The following NLGN1 variants were observed in gnomAD, a reference collection of about 807,000 sequenced individuals.
NLGN1 encodes the protein neuroligin-1.
In NLGN1, 12 loss-of-function variants were observed where a neutral mutation model predicts 65.5. That is an observed-to-expected ratio of 0.18 (90% confidence interval 0.12 to 0.30). NLGN1 has a LOEUF of 0.30. NLGN1 is among the 10% of genes least tolerant of loss of function. NLGN1 has a pLI of 1.00. For synonymous variants in NLGN1, 350 were observed against 359.5 expected (o/e 0.97, Z 0.30); for missense variants, 750 against 1,007.1 (o/e 0.74, Z 3.46).
chr3:173,778,691 C>A (rs541149687), intron 3 of NLGN1, among the ~76,000 whole-genome samples: 1 of 151,790 alleles, frequency 6.6e-6, no homozygotes, highest in African/African-American at 2.4e-5. Flanking sequence ...TCAGTCTTTT[C>A]TTTCTTAACA....
rs80291571 is a variant in NLGN1, at chr3:173,998,302, G to A, written c.646+190470G>A. Reference sequence around the variant, plus strand: ...TGGGAATCAGAACATCCTACTTCAAGGGAAGCTTTTCCATTCACATGGAAT... The same window carrying A: ...TGGGAATCAGAACATCCTACTTCAAAGGAAGCTTTTCCATTCACATGGAAT... On this transcript the variant is annotated intron_variant, in intron 4 of 6. Transcript: ENST00000457714. Among the ~76,000 whole-genome samples, 132 of 152,234 alleles carry A rather than the reference G, an allele frequency of 8.7e-4. 1 individual carries two copies. In the East Asian group the frequency reaches 0.023, roughly 27 times the overall value.
intron 4 of NLGN1, among the ~76,000 whole-genome samples, chr3:173,947,447 T>C (rs1427189315): frequency 1.3e-5 from 2 of 152,228 alleles, no homozygotes; most frequent in Non-Finnish European, 2.9e-5. Context: ...ATTTTAACTC[T>C]TTTACTGTAT....
chr3:173,624,357 T>TC (rs1418548213), intron 3 of NLGN1, among the ~76,000 whole-genome samples: 2 of 152,162 alleles, frequency 1.3e-5, no homozygotes. Context: ...TTTCAAGACT[T>TC]CACTTCATGC....
chr3:173,712,391 G>A (rs981710506), intron 3 of NLGN1, among the ~76,000 whole-genome samples: 1 of 152,126 alleles, frequency 6.6e-6, no homozygotes, highest in Non-Finnish European at 1.5e-5. Flanking sequence ...GTTAGCTATG[G>A]TTAAGCTAAT....
intron 4 of NLGN1, among the ~76,000 whole-genome samples, chr3:174,098,811 TTAAA>T (rs948148049): frequency 1.3e-5 from 2 of 152,166 alleles, no homozygotes; most frequent in African/African-American, 2.4e-5. Flanking sequence ...CACTTTCAGT[TTAAA>T]TAACTGAATA....
intron 4 of NLGN1, among the ~76,000 whole-genome samples, chr3:174,198,705 A>T (rs1733890752): frequency 6.6e-6 from 1 of 151,930 alleles, no homozygotes; most frequent in Non-Finnish European, 1.5e-5. Flanking sequence ...TCAATTCATT[A>T]TTTTTACCTT....
At chr3:173,533,519 C>T (rs943522615) in intron 2 of NLGN1, among the ~76,000 whole-genome samples, 4 of 152,056 alleles carry the variant, frequency 2.6e-5, no homozygotes, top group Admixed American at 1.3e-4. Flanking sequence ...AAATAAAGCC[C>T]GTAATCTTAT....
At chr3:174,197,751 CGTGT>C (rs71162378) in intron 4 of NLGN1, among the ~76,000 whole-genome samples, 10 of 141,642 alleles carry the variant, frequency 7.1e-5, no homozygotes, top group African/African-American at 1.6e-4. Flanking sequence ...CCCATTATCT[CGTGT>C]GTGTGTGTGT....
At chr3:174,110,985 A>G (rs1715093625) in intron 4 of NLGN1, among the ~76,000 whole-genome samples, 1 of 151,988 alleles carries the variant, frequency 6.6e-6, no homozygotes, top group African/African-American at 2.4e-5. Flanking sequence ...GTTGAGGAAT[A>G]TTTATCGTCA....
At chr3:174,211,639 T>G (rs1736565861) in intron 4 of NLGN1, among the ~76,000 whole-genome samples, 1 of 151,194 alleles carries the variant, frequency 6.6e-6, no homozygotes, top group Non-Finnish European at 1.5e-5. Context: ...CTCACAAACC[T>G]TGAGCTAAAC....
At chr3:174,080,203 A>G (rs530254691) in intron 4 of NLGN1, among the ~76,000 whole-genome samples, 2 of 152,286 alleles carry the variant, frequency 1.3e-5, no homozygotes, top group Admixed American at 6.5e-5. Flanking sequence ...GAAATGCTCA[A>G]TCATAACATA....
intron 4 of NLGN1, among the ~76,000 whole-genome samples, chr3:173,904,445 T>C (rs1737960380): frequency 6.6e-6 from 1 of 152,144 alleles, no homozygotes; most frequent in Non-Finnish European, 1.5e-5. Context: ...CTATTTTGCT[T>C]AATTTTTCTT....
At chr3:174,018,029 T>G (rs966301362) in intron 4 of NLGN1, among the ~76,000 whole-genome samples, 32 of 152,168 alleles carry the variant, frequency 2.1e-4, no homozygotes, top group African/African-American at 7.5e-4. Context: ...AAAAGACAGA[T>G]GTCCCCAGAG....
intron 4 of NLGN1, among the ~76,000 whole-genome samples, chr3:173,830,952 A>G (rs1352500595): frequency 6.6e-6 from 1 of 152,212 alleles, no homozygotes; most frequent in Non-Finnish European, 1.5e-5. Flanking sequence ...AACATCAATG[A>G]AGAATACACT....
At chr3:173,930,678 G>T (rs1170807506) in intron 4 of NLGN1, among the ~76,000 whole-genome samples, 1 of 152,160 alleles carries the variant, frequency 6.6e-6, no homozygotes, top group African/African-American at 2.4e-5. Context: ...TAATTCAATT[G>T]TCATATTCAT....
chr3:173,969,210 G>A (rs905556305), intron 4 of NLGN1, among the ~76,000 whole-genome samples: 1 of 151,950 alleles, frequency 6.6e-6, no homozygotes, highest in Admixed American at 6.6e-5. Flanking sequence ...AAATTATAAG[G>A]TGTTTTGATT....
chr3:173,941,122 G>T (rs1746011009), intron 4 of NLGN1, among the ~76,000 whole-genome samples: 1 of 152,164 alleles, frequency 6.6e-6, no homozygotes, highest in South Asian at 2.1e-4. Flanking sequence ...GAGAGTGAAT[G>T]TCAATATCTA....
chr3:173,748,897 C>T (rs145529498), intron 3 of NLGN1, among the ~76,000 whole-genome samples: 44 of 152,098 alleles, frequency 2.9e-4, no homozygotes, highest in African/African-American at 1.0e-3. Flanking sequence ...GGTGGCTACA[C>T]CTTGATACTA....
chr3:173,906,404 A>G (rs981364530), intron 4 of NLGN1, among the ~76,000 whole-genome samples: 1 of 152,218 alleles, frequency 6.6e-6, no homozygotes, highest in Non-Finnish European at 1.5e-5. Context: ...AATAGTTGAT[A>G]AAACTCAATG....
Sources: gnomAD v4.1 joint callset for allele counts (sites outside exome capture counted in the v4.1 genomes callset) on GRCh38, gnomAD v4.1.1 for gene constraint, MANE v1.5 for transcripts, NCBI Gene and HGNC (gene_info 2026-07-23, HGNC 2026-07-21) for gene names.